The following NEXMIF variants were observed in gnomAD, a reference collection of about 807,000 sequenced individuals.
The protein encoded by NEXMIF is XLMR protein related to neurite extension.
NEXMIF carries 8 observed loss-of-function variants against 62.1 expected under a neutral mutation model. The ratio of observed to expected loss-of-function variants is 0.13; its 90% CI spans 0.08 to 0.23. The LOEUF is 0.23. Among genes scored for constraint, NEXMIF ranks in the 10% least tolerant of loss-of-function variants. The pLI is 1.00. For missense variants in NEXMIF, 976 were observed against 1,113.3 expected, an observed-to-expected ratio of 0.88 and a Z score of 1.75; for synonymous variants, 404 against 416.6, an observed-to-expected ratio of 0.97 and a Z score of 0.37.
chrX:74,820,018 T>C (rs1345848283), intron 1 of NEXMIF, among the ~76,000 whole-genome samples: 1 of 111,186 alleles, frequency 9.0e-6, no homozygotes, highest in African/African-American at 3.3e-5. Context: ...TGAAAAAGGA[T>C]GAGTTCATGT....
rs1556024149 is a variant in NEXMIF, at chrX:74,796,303, T to TATAC, written c.-47-50607_-47-50606insGTAT. On this transcript the variant is annotated intron_variant, in intron 1 of 3. Coordinates refer to ENST00000055682, the MANE Select transcript of NEXMIF (RefSeq NM_001008537.3). ...ATATATTATATATATTATATATATA[T>TATAC]ACACACACACACACAATGGATAGAC... Among the ~76,000 whole-genome samples, 13 of 65,215 alleles carry TATAC rather than the reference T, an allele frequency of 2.0e-4. 2 individuals carry two copies. The highest frequency in any genetic ancestry group is 4.2e-4 in the African/African-American group (7 of 16,630). The allele number at this position is 65,215 out of a possible 115,157, so 56.6% of individuals were successfully genotyped here. A position where few individuals can be genotyped will look rare whatever the true frequency, so the allele number is the denominator to read the frequency against.
chrX:74,781,665 C>G (rs1045425069), intron 1 of NEXMIF, among the ~76,000 whole-genome samples: 1 of 101,988 alleles, frequency 9.8e-6, no homozygotes, highest in African/African-American at 3.6e-5. Flanking sequence ...TTCCCTCTTA[C>G]CAGGGTGTGG....
At chrX:74,740,040 CT>C (rs2080096564) in intron 3 of NEXMIF, 59 bp downstream of exon 3, 1 of 1,063,895 alleles carries the variant, frequency 9.4e-7, no homozygotes. Context: ...GGACTGCGGG[CT>C]TAGTAGGTAG....
chrX:74,871,913 C>T lies in NEXMIF; in HGVS notation c.-48+52970G>A, dbSNP rs1367856654. On this transcript the variant is annotated intron_variant, in intron 1 of 3. Transcript: ENST00000055682. ...TTTTACAAACAATTTGTACAGTTAA[C>T]GCAATCATTACAGGGTCCTGAGGTG... 4.5e-5 allele frequency among the ~76,000 whole-genome samples: 5 copies of T among 111,293 alleles called. 1 individual carries two copies. The South Asian group carries it at 1.1e-3, about 25-fold the overall frequency.
In NEXMIF at chrX:74,918,854, T is replaced by C. The variant is rs148520137; in HGVS notation, c.-48+6029A>G. 2.3e-3 allele frequency among the ~76,000 whole-genome samples: 257 copies of C among 112,521 alleles called. 3 individuals are homozygous for C. In the East Asian group the frequency reaches 0.061, roughly 27 times the overall value. ...GTGGGCCATAGTTTCTTTTAACTCCTGCCCTAGATCGATGAAAGCCAATCA... is the reference window on the plus strand; with the variant it reads ...GTGGGCCATAGTTTCTTTTAACTCCCGCCCTAGATCGATGAAAGCCAATCA... On this transcript the variant is annotated intron_variant, in intron 1 of 3. Coordinates refer to ENST00000055682, the MANE Select transcript of NEXMIF (RefSeq NM_001008537.3).
chrX:74,787,320 G>A (rs760771527), intron 1 of NEXMIF, among the ~76,000 whole-genome samples: 2 of 109,779 alleles, frequency 1.8e-5, no homozygotes, highest in African/African-American at 6.6e-5. Context: ...TGAAGCTATG[G>A]GAATGACAGT....
intron 1 of NEXMIF, among the ~76,000 whole-genome samples, chrX:74,878,866 C>T (rs1602262516): frequency 5.3e-5 from 6 of 112,375 alleles, no homozygotes; most frequent in African/African-American, 1.9e-4. Flanking sequence ...GGTGCGCGCA[C>T]CCACTGACCT....
chrX:74,818,932 T>C (rs1180690313), intron 1 of NEXMIF, among the ~76,000 whole-genome samples: 2 of 111,608 alleles, frequency 1.8e-5, no homozygotes, highest in African/African-American at 6.5e-5. Context: ...AGAATAGCTA[T>C]CATTCAAAAG....
chrX:74,879,182 T>C (rs1376938700), intron 1 of NEXMIF, among the ~76,000 whole-genome samples: 1 of 112,248 alleles, frequency 8.9e-6, no homozygotes, highest in Non-Finnish European at 1.9e-5. Flanking sequence ...TACGTTTGTG[T>C]AAGTACACTC....
chrX:74,821,975 TC>T (rs1311031199), intron 1 of NEXMIF, among the ~76,000 whole-genome samples: 1 of 111,605 alleles, frequency 9.0e-6, no homozygotes, highest in Non-Finnish European at 1.9e-5. Context: ...GGTCTGGAAC[TC>T]TTTGGCTCAA....
intron 1 of NEXMIF, among the ~76,000 whole-genome samples, chrX:74,853,323 T>A (rs2080522595): frequency 9.1e-6 from 1 of 109,314 alleles, no homozygotes; most frequent in South Asian, 4.1e-4. Context: ...GGTGTGCCAT[T>A]TACATAGCTT....
intron 1 of NEXMIF, among the ~76,000 whole-genome samples, chrX:74,836,593 C>G (rs955917793): frequency 9.0e-6 from 1 of 111,175 alleles, no homozygotes; most frequent in African/African-American, 3.3e-5. Flanking sequence ...AGGACCTAGG[C>G]CCTGGAATAA....
intron 1 of NEXMIF, among the ~76,000 whole-genome samples, chrX:74,848,943 T>C (rs1178946065): frequency 8.9e-6 from 1 of 112,178 alleles, no homozygotes. Context: ...ACACCGAATC[T>C]ACTGATTTCT....
At chrX:74,897,962 T>C (rs2080737665) in intron 1 of NEXMIF, among the ~76,000 whole-genome samples, 1 of 111,749 alleles carries the variant, frequency 8.9e-6, no homozygotes, top group Non-Finnish European at 1.9e-5. Flanking sequence ...TGTACATACT[T>C]ATATAAATAA....
intron 1 of NEXMIF, among the ~76,000 whole-genome samples, chrX:74,831,287 T>C (rs1021494249): frequency 1.8e-5 from 2 of 109,992 alleles, no homozygotes; most frequent in Non-Finnish European, 3.8e-5. Flanking sequence ...TGGTGTGCTG[T>C]ACCCATTAAC....
intron 1 of NEXMIF, among the ~76,000 whole-genome samples, chrX:74,887,439 C>A (rs1346794969): frequency 9.0e-6 from 1 of 111,006 alleles, no homozygotes; most frequent in Non-Finnish European, 1.9e-5. Flanking sequence ...ACAATGAACT[C>A]AAATTTACAA....
intron 1 of NEXMIF, among the ~76,000 whole-genome samples, chrX:74,830,791 G>A (rs1339432679): frequency 9.0e-6 from 1 of 111,140 alleles, no homozygotes; most frequent in Admixed American, 9.6e-5. Context: ...TTAATTCCTA[G>A]GTATTTGATT....
chrX:74,787,729 C>T (rs768162348), intron 1 of NEXMIF, among the ~76,000 whole-genome samples: 1 of 111,887 alleles, frequency 8.9e-6, no homozygotes, highest in South Asian at 3.8e-4. Context: ...CCCAGCTTAC[C>T]TCTTTGGGCG....
rs888526232 is a variant in NEXMIF at position 74,735,487 on chromosome X, A to C, written c.*3918T>G. On this transcript the variant is annotated 3_prime_UTR_variant, in exon 4 of 4. Coordinates refer to ENST00000055682, the MANE Select transcript of NEXMIF (RefSeq NM_001008537.3). ...AAATTCACTAGAACTGCAAAACCTC[A>C]CATAGGACTTAGGATGCTTGCTAGA... The C allele has an allele frequency of 2.7e-5, 3 of 111,915 alleles. No individual in the cohort carries two copies. The highest frequency in any genetic ancestry group is 9.6e-5 in the Admixed American group (1 of 10,449). 9.2% of individuals were successfully genotyped at this position (111,915 alleles called of 1,213,427 possible).
Sources: allele counts gnomAD v4.1 joint callset (sites outside exome capture counted in the v4.1 genomes callset), GRCh38; gene constraint gnomAD v4.1.1; transcripts MANE v1.5; gene names NCBI Gene and HGNC (gene_info 2026-07-23, HGNC 2026-07-21).